CALD1: variants seen among roughly 807,000 people sequenced by gnomAD.
CALD1 encodes caldesmon 1.
In CALD1, 33 loss-of-function variants were observed where a neutral mutation model predicts 99.9. The ratio of observed to expected loss-of-function variants is 0.33; its 90% CI spans 0.25 to 0.44. The LOEUF is 0.44. Among genes scored for constraint, CALD1 ranks in the 20% least tolerant of loss-of-function variants. The pLI, the probability that CALD1 is intolerant of heterozygous loss-of-function variation, is 1.00. For missense variants in CALD1, 861 were observed against 962.1 expected (o/e 0.89, Z 1.39); for synonymous variants, 310 against 325.0 (o/e 0.95, Z 0.50).
intron 1 of CALD1, among the ~76,000 whole-genome samples, chr7:134,752,232 G>A (rs1796691470): frequency 6.6e-6 from 1 of 152,162 alleles, no homozygotes; most frequent in Admixed American, 6.6e-5. Context: ...ATTTCATATA[G>A]GCTAAGTAGA....
intron 5 of CALD1, among the ~76,000 whole-genome samples, chr7:134,934,526 A>C (rs965783486): frequency 2.6e-5 from 4 of 152,174 alleles, no homozygotes; most frequent in Non-Finnish European, 4.4e-5. Context: ...TTGAATTAAA[A>C]AAATGATAAA....
intron 1 of CALD1, among the ~76,000 whole-genome samples, chr7:134,815,635 T>G (rs1275524156): frequency 6.6e-6 from 1 of 152,164 alleles, no homozygotes; most frequent in Non-Finnish European, 1.5e-5. Flanking sequence ...GAAGGAATGT[T>G]TAGCTGAGCC....
Position 134,891,483 on chromosome 7 carries a change from G to A in CALD1, c.71+23679G>A, listed in dbSNP as rs894514532. Reference sequence around the variant, plus strand: ...AGACCAACGTGTTAACACAAAGGGAGAACACGGGAGCATCCTGCACCGTGC... The same window carrying A: ...AGACCAACGTGTTAACACAAAGGGAAAACACGGGAGCATCCTGCACCGTGC... On this transcript the variant is annotated intron_variant, in intron 3 of 14. Transcript: ENST00000361675. 24 of 1,384,502 alleles carry A rather than the reference G, an allele frequency of 1.7e-5. No individual in the cohort carries two copies. The African/African-American group carries it at 3.1e-4, about 18-fold the overall frequency. 85.8% of individuals were successfully genotyped at this position (1,384,502 alleles called of 1,614,324 possible). A position where few individuals can be genotyped will look rare whatever the true frequency, so the allele number is the denominator to read the frequency against.
At chr7:134,916,110 C>T (rs1178198816) in intron 3 of CALD1, among the ~76,000 whole-genome samples, 1 of 152,168 alleles carries the variant, frequency 6.6e-6, no homozygotes, top group East Asian at 1.9e-4. Flanking sequence ...TACTTTCTGC[C>T]ACTTGTACAC....
At chr7:134,756,007 C>T (rs1796724194) in intron 1 of CALD1, among the ~76,000 whole-genome samples, 1 of 151,936 alleles carries the variant, frequency 6.6e-6, no homozygotes, top group African/African-American at 2.4e-5. Context: ...AATAGACATC[C>T]AAAAGACATC....
At chr7:134,788,630 CTTTG>C (rs971249134) in intron 1 of CALD1, among the ~76,000 whole-genome samples, 35 of 152,270 alleles carry the variant, frequency 2.3e-4, no homozygotes, top group African/African-American at 7.7e-4. Context: ...AAAGTAGAGA[CTTTG>C]TTTGGCTTTT....
chr7:134,943,522 A>G (rs1806621236), intron 7 of CALD1, among the ~76,000 whole-genome samples: 1 of 152,230 alleles, frequency 6.6e-6, no homozygotes, highest in Admixed American at 6.5e-5. Context: ...TCTCAATTCA[A>G]TGAGCAAGAT....
intron 3 of CALD1, chr7:134,928,158 C>G (rs980996510): frequency 6.1e-5 from 15 of 245,972 alleles, no homozygotes; most frequent in Non-Finnish European, 1.2e-4. Flanking sequence ...AAGGCCAGGC[C>G]CGGTGGCTCA....
intron 3 of CALD1, among the ~76,000 whole-genome samples, chr7:134,896,754 C>T (rs1802603686): frequency 6.6e-6 from 1 of 152,196 alleles, no homozygotes; most frequent in Non-Finnish European, 1.5e-5. Context: ...TTCCTCTCAG[C>T]CCATCAAAAT....
At chr7:134,720,576 TC>T in the CALD1 span, among the ~76,000 whole-genome samples, 1 of 152,026 alleles carries the variant, frequency 6.6e-6, no homozygotes, top group Admixed American at 6.5e-5. Flanking sequence ...ATCTGTGATC[TC>T]CCCATCTCCA....
chr7:134,727,377 C>G, the CALD1 span, among the ~76,000 whole-genome samples: 1 of 152,190 alleles, frequency 6.6e-6, no homozygotes, highest in African/African-American at 2.4e-5. Flanking sequence ...GCTTCTTACT[C>G]CTGTCAAAGA....
At chr7:134,716,765 TTTTA>T in the CALD1 span, among the ~76,000 whole-genome samples, 1 of 152,176 alleles carries the variant, frequency 6.6e-6, no homozygotes, top group African/African-American at 2.4e-5. Flanking sequence ...AAATTATCAG[TTTTA>T]TTAAGGAATA....
At chr7:134,871,489 G>A (rs1241045859) in intron 3 of CALD1, among the ~76,000 whole-genome samples, 1 of 152,180 alleles carries the variant, frequency 6.6e-6, no homozygotes, top group African/African-American at 2.4e-5. Flanking sequence ...GACCCACAGA[G>A]TAACAGTGTT....
chr7:134,765,171 C>T (rs946883113), intron 1 of CALD1, among the ~76,000 whole-genome samples: 1 of 151,860 alleles, frequency 6.6e-6, no homozygotes, highest in African/African-American at 2.4e-5. Context: ...AAAAATTAGC[C>T]GAGTGTGGTG....
At chr7:134,923,366 C>G (rs1459183597) in intron 3 of CALD1, among the ~76,000 whole-genome samples, 1 of 152,038 alleles carries the variant, frequency 6.6e-6, no homozygotes, top group African/African-American at 2.4e-5. Context: ...AAAATAGATC[C>G]ACAATAAAAT....
chr7:134,712,809 C>A, the CALD1 span, among the ~76,000 whole-genome samples: 1 of 152,074 alleles, frequency 6.6e-6, no homozygotes, highest in African/African-American at 2.4e-5. Flanking sequence ...CAGTCTAAGA[C>A]GGAATCAGGC....
chr7:134,962,290 G>A (rs1358343632), intron 13 of CALD1: 4 of 150,290 alleles, frequency 2.7e-5, no homozygotes, highest in Non-Finnish European at 4.4e-5. Context: ...ATTATGATAG[G>A]TATAACTGTA....
In CALD1 at chr7:134,881,749, C is replaced by A. The variant is rs149860112; in HGVS notation, c.71+13945C>A. Among the ~76,000 whole-genome samples, 278 of 152,268 alleles carry A rather than the reference C, an allele frequency of 1.8e-3. 1 individual carries two copies. The highest frequency in any genetic ancestry group is 0.015 in the Admixed American group (231 of 15,286). On this transcript the variant is annotated intron_variant, in intron 3 of 14. Transcript: ENST00000361675. ...TCAGAAATCAGATGCTGAGAAAACACAATGAAATAAAATGTCACCTGTCAC... is the reference window on the plus strand; with the variant it reads ...TCAGAAATCAGATGCTGAGAAAACAAAATGAAATAAAATGTCACCTGTCAC...
intron 1 of CALD1, among the ~76,000 whole-genome samples, chr7:134,811,908 C>G (rs1305841765): frequency 3.3e-5 from 5 of 151,972 alleles, no homozygotes; most frequent in African/African-American, 9.7e-5. Flanking sequence ...GGAGTCAAAA[C>G]CCCTAAAGTA....
Sources: allele counts gnomAD v4.1 joint callset (sites outside exome capture counted in the v4.1 genomes callset), GRCh38; gene constraint gnomAD v4.1.1; transcripts MANE v1.5; gene names NCBI Gene and HGNC (gene_info 2026-07-23, HGNC 2026-07-21).